Variants in ABR observed in about 807,000 individuals in gnomAD.
The protein encoded by ABR is ABR activator of RhoGEF and GTPase.
A neutral mutation model predicts 107.2 loss-of-function variants in ABR; 35 were observed. That is an observed-to-expected ratio of 0.33 (90% CI 0.25 to 0.43). The LOEUF (loss-of-function observed/expected upper bound fraction) is 0.43. Among genes scored for constraint, ABR ranks in the 20% least tolerant of loss-of-function variants. The pLI, the probability that ABR is intolerant of heterozygous loss-of-function variation, is 1.00. For missense variants in ABR, 815 were observed against 1,115.2 expected, an observed-to-expected ratio of 0.73 and a Z score of 3.83; for synonymous variants, 498 against 462.0, an observed-to-expected ratio of 1.08 and a Z score of -1.00.
At chr17:1,018,121 C>A (rs898155070) in intron 16 of ABR, among the ~76,000 whole-genome samples, 12 of 152,010 alleles carry the variant, frequency 7.9e-5, no homozygotes, top group Non-Finnish European at 1.5e-5. Context: ...TGGCTCACTG[C>A]AAGCTCCGCC....
intron 9 of ABR, among the ~76,000 whole-genome samples, chr17:1,069,212 C>T (rs994246287): frequency 5.3e-5 from 8 of 152,124 alleles, no homozygotes; most frequent in African/African-American, 1.7e-4. Flanking sequence ...CATTTAAAAA[C>T]AGGGAAGGAA....
At chr17:1,018,393 G>A (rs748123330) in intron 16 of ABR, among the ~76,000 whole-genome samples, 14 of 152,288 alleles carry the variant, frequency 9.2e-5, no homozygotes, top group African/African-American at 1.7e-4. Flanking sequence ...TTTATGGGGC[G>A]CAGTTCGATG....
intron 2 of ABR, 46 bp from the exon 3 acceptor site, chr17:1,100,781 CA>C: frequency 6.3e-7 from 1 of 1,581,016 alleles, no homozygotes; most frequent in Non-Finnish European, 8.7e-7. Context: ...GCAAGGAGGC[CA>C]AAACCCTGCG....
chr17:1,220,195 A>G (rs991300107), intron 1 of ABR, among the ~76,000 whole-genome samples: 4 of 151,892 alleles, frequency 2.6e-5, no homozygotes, highest in Non-Finnish European at 4.4e-5. Context: ...GGAGGCTGAG[A>G]CAGGAGAATG....
intron 1 of ABR, among the ~76,000 whole-genome samples, chr17:1,202,760 C>A (rs1415290735): frequency 1.3e-5 from 2 of 152,150 alleles, no homozygotes; most frequent in Non-Finnish European, 2.9e-5. Flanking sequence ...GAAACAGAGA[C>A]CTTGGAGACA....
chr17:1,217,442 T>G (rs1275707855), intron 1 of ABR, among the ~76,000 whole-genome samples: 1 of 152,190 alleles, frequency 6.6e-6, no homozygotes, highest in Non-Finnish European at 1.5e-5. Flanking sequence ...AATCATAAAA[T>G]TAACCAACAC....
intron 16 of ABR, among the ~76,000 whole-genome samples, chr17:1,047,170 G>GC (rs1049802572): frequency 5.9e-5 from 9 of 152,232 alleles, no homozygotes; most frequent in African/African-American, 2.2e-4. Flanking sequence ...TTTCCTACAG[G>GC]CCCCCTGAAT....
At chr17:1,219,427 A>G (rs2043075007) in intron 1 of ABR, among the ~76,000 whole-genome samples, 1 of 151,584 alleles carries the variant, frequency 6.6e-6, no homozygotes, top group Non-Finnish European at 1.5e-5. Flanking sequence ...ACCTGCAGCA[A>G]TGAACCATCC....
chr17:1,160,456 T>C (rs780363302), intron 1 of ABR, among the ~76,000 whole-genome samples: 13 of 152,216 alleles, frequency 8.5e-5, no homozygotes, highest in Non-Finnish European at 1.3e-4. Context: ...AACAGCTTCA[T>C]GCAACCAGCA....
chr17:1,202,433 T>C (rs192533928), intron 1 of ABR, among the ~76,000 whole-genome samples: 99 of 152,316 alleles, frequency 6.5e-4, no homozygotes, highest in African/African-American at 2.2e-3. Flanking sequence ...TCATTCTAAA[T>C]TGCAAATTCA....
At chr17:1,052,213 A>G (rs1376076877) in intron 14 of ABR, among the ~76,000 whole-genome samples, 2 of 151,852 alleles carry the variant, frequency 1.3e-5, no homozygotes, top group Non-Finnish European at 2.9e-5. Flanking sequence ...TTGCAGGTGA[A>G]CAACACAGAG....
rs11247572 is a variant in ABR at position 1,011,383 on chromosome 17, C to A, written c.2101+463G>T. 53,031 of 166,146 alleles carry A rather than the reference C, an allele frequency of 0.32. 8,739 individuals are homozygous for A. The highest frequency in any genetic ancestry group is 0.39 in the Middle Eastern group (129 of 328). 10.3% of individuals were successfully genotyped at this position (166,146 alleles called of 1,614,324 possible). On this transcript the variant is annotated intron_variant, in intron 19 of 22. Transcript: ENST00000302538. This position sits in a 1 kb window ranked among gnomAD's most constrained non-coding sequence, Gnocchi z 4.8. ...TTCTTGACAGTGGGGTATGTGGCTG[C>A]TGCACCTGAACCAGCAGGAGCAGGG...
chr17:1,204,972 C>T (rs1447615834), intron 1 of ABR, among the ~76,000 whole-genome samples: 2 of 137,066 alleles, frequency 1.5e-5, no homozygotes, highest in Non-Finnish European at 3.0e-5. Flanking sequence ...GGCGTGATCT[C>T]GGCTCACTGC....
intron 1 of ABR, among the ~76,000 whole-genome samples, chr17:1,176,989 G>T (rs935709315): frequency 1.3e-5 from 2 of 152,016 alleles, no homozygotes; most frequent in Admixed American, 1.3e-4. Context: ...AGAGAGGAAG[G>T]CAGGGAACCT....
At chr17:1,115,153 T>G (rs8075506) in intron 2 of ABR, 59,653 of 152,132 alleles carry the variant, frequency 0.39, 13,607 homozygotes, top group South Asian at 0.51. Flanking sequence ...GACAGGACAT[T>G]CATCCTGCAT....
rs1301582840 is a variant in ABR at position 1,179,869 on chromosome 17, C to T, written c.-142G>A. ...GGGAACCAGGTCCCCGGGAGGAGCGCGGGGCGGCCGGGGCAGGGGCGAGGG... is the reference window on the plus strand; with the variant it reads ...GGGAACCAGGTCCCCGGGAGGAGCGTGGGGCGGCCGGGGCAGGGGCGAGGG... On this transcript the variant is annotated 5_prime_UTR_variant, in exon 1 of 23. Transcript: ENST00000302538. The surrounding 1 kb of genome is among the most constrained non-coding windows in gnomAD (Gnocchi z 4.9). The T allele has an allele frequency of 6.1e-6, 4 of 652,960 alleles. No homozygotes were observed. The highest frequency in any genetic ancestry group is 4.1e-5 in the East Asian group (1 of 24,632). The allele number at this position is 652,960 out of a possible 1,614,324, so 40.4% of individuals were successfully genotyped here.
intron 16 of ABR, among the ~76,000 whole-genome samples, chr17:1,046,459 A>AG: frequency 6.7e-6 from 1 of 149,604 alleles, no homozygotes. Context: ...TTAGTAGGAA[A>AG]GGGGTTTTGC....
Position 1,150,197 on chromosome 17 carries a change from C to T in ABR, c.62-24830G>A, listed in dbSNP as rs1172834311. 6.6e-6 allele frequency among the ~76,000 whole-genome samples: 1 copy of T among 152,060 alleles called. No individual in the cohort carries two copies. The highest frequency in any genetic ancestry group is 2.4e-5 in the African/African-American group (1 of 41,396). On this transcript the variant is annotated intron_variant, in intron 1 of 22. Transcript: ENST00000302538. The surrounding 1 kb of genome is among the most constrained non-coding windows in gnomAD (Gnocchi z 4.8). The stretch of plus-strand genomic sequence containing the variant: ...TACAGACGTGAGCCACCGCGCCCGG[C>T]CTGTGTCAGAATTTTTTTTGTTACC...
chr17:1,160,783 G>A (rs182673415), intron 1 of ABR, among the ~76,000 whole-genome samples: 9 of 152,334 alleles, frequency 5.9e-5, no homozygotes, highest in Admixed American at 2.6e-4. Context: ...AAGTGGGGGA[G>A]GACAGACGTG....
Sources: allele counts gnomAD v4.1 joint callset (sites outside exome capture counted in the v4.1 genomes callset), GRCh38; gene constraint gnomAD v4.1.1; non-coding constraint Gnocchi (gnomAD v3.1); transcripts MANE v1.5; gene names NCBI Gene and HGNC (gene_info 2026-07-23, HGNC 2026-07-21).